The following CFAP69 variants were observed in gnomAD, a reference collection of about 807,000 sequenced individuals.
CFAP69 encodes the protein cilia- and flagella-associated protein 69.
Under a neutral mutation model 123.0 loss-of-function variants are expected in CFAP69, and 92 were observed. The ratio of observed to expected loss-of-function variants is 0.75; its 90% CI spans 0.63 to 0.89. The LOEUF (loss-of-function observed/expected upper bound fraction) is 0.89, where lower values mean the gene tolerates loss of function less well. Among genes scored for constraint, CFAP69 ranks in the 40% least tolerant of loss-of-function variants. The probability of loss-of-function intolerance (pLI) is 0.00; values close to 1 mark genes in which losing one functional copy is unlikely to be tolerated. For missense variants in CFAP69, 1,067 were observed against 1,096.9 expected, an observed-to-expected ratio of 0.97 and a Z score of 0.39; for synonymous variants, 380 against 364.3, an observed-to-expected ratio of 1.04 and a Z score of -0.49.
At chr7:90,249,209 G>A (rs529324753) in intron 1 of CFAP69, among the ~76,000 whole-genome samples, 33 of 152,218 alleles carry the variant, frequency 2.2e-4, no homozygotes, top group South Asian at 1.0e-3. Flanking sequence ...GAGTTCTCAC[G>A]AGATCTGATG....
At chr7:90,287,418 T>G (rs1352698011) in intron 14 of CFAP69, 1 of 846,668 alleles carries the variant, frequency 1.2e-6, no homozygotes, top group Non-Finnish European at 1.4e-6. Flanking sequence ...TGTACCATTT[T>G]AAATGTTGTT....
At chr7:90,320,234 A>G in the CFAP69 span, 1 of 152,376 alleles carries the variant, frequency 6.6e-6, no homozygotes, top group African/African-American at 2.4e-5. Flanking sequence ...TTATTAACCC[A>G]AATGGTACTA....
At position 90,310,187 on chromosome 7, in the gene CFAP69, G is replaced by T; in HGVS notation, c.2775G>T (p.Arg925Ser). Residue 925 changes from arginine (R) to serine (S), a missense_variant, in exon 23 of 23, where the codon AGG becomes AGT. Transcript: ENST00000389297. The stretch of plus-strand genomic sequence containing the variant: ...CCATTCGAGGAGGAGCCTTGCAGAG[G>T]GTGAAAGCAGTTAAAATTGTGGATG... ...KLPIRGGALQ[R>S]VKAVKIVDAP... 1 of 1,613,716 alleles carries T rather than the reference G, an allele frequency of 6.2e-7. No individual in the cohort carries two copies. Among genetic ancestry groups the T allele is most frequent in the Non-Finnish European group, 8.5e-7 (1 of 1,179,818 alleles).
rs1412439909 is a variant in CFAP69, at chr7:90,271,669, A to G, written c.676A>G (p.Thr226Ala). 1.2e-6 allele frequency: 2 copies of G among 1,612,872 alleles called. No homozygotes were observed. The highest frequency in any genetic ancestry group is 1.7e-6 in the Non-Finnish European group (2 of 1,179,428). The change falls in exon 7 of 23, where the codon ACT (threonine) becomes GCT (alanine). Residue 226 changes from threonine to alanine, a missense_variant. Thr to Ala is a moderately conservative substitution (Grantham distance 58, BLOSUM62 0). Transcript: ENST00000389297. ...WVLKVLQHLS[T>A]SEVNCTIMMK... ...ACTTAAAGTTCTGCAGCATCTCTCAACTTCTGGTTTGTATATTATTAAGTT... is the reference window on the plus strand; with the variant it reads ...ACTTAAAGTTCTGCAGCATCTCTCAGCTTCTGGTTTGTATATTATTAAGTT...
At chr7:90,267,708 T>C (rs1799347329) in intron 5 of CFAP69, among the ~76,000 whole-genome samples, 1 of 152,170 alleles carries the variant, frequency 6.6e-6, no homozygotes, top group Non-Finnish European at 1.5e-5. Context: ...AAAGTTCACC[T>C]GGAACTTCTC....
chr7:90,254,540 G>A (rs933499287), intron 1 of CFAP69, among the ~76,000 whole-genome samples: 6 of 152,100 alleles, frequency 3.9e-5, no homozygotes, highest in East Asian at 1.9e-4. Flanking sequence ...GGTGGGGAAC[G>A]AACATGTAGA....
At chr7:90,318,233 T>G in the CFAP69 span, 36 of 152,206 alleles carry the variant, frequency 2.4e-4, no homozygotes, top group Non-Finnish European at 4.7e-4. Context: ...TATATTTCTT[T>G]AAAGCTTCAC....
intron 15 of CFAP69, among the ~76,000 whole-genome samples, chr7:90,295,187 C>T (rs958226545): frequency 1.3e-5 from 2 of 152,276 alleles, no homozygotes; most frequent in South Asian, 2.1e-4. Context: ...CAATTAACAT[C>T]CCATAGTGCC....
At chr7:90,317,137 G>C in the CFAP69 span, 3 of 151,492 alleles carry the variant, frequency 2.0e-5, no homozygotes, top group African/African-American at 7.3e-5. Context: ...AAAGAACACA[G>C]ATGTTCAATA....
intron 15 of CFAP69, among the ~76,000 whole-genome samples, chr7:90,294,640 T>G (rs1417795889): frequency 6.6e-6 from 1 of 151,058 alleles, no homozygotes; most frequent in African/African-American, 2.4e-5. Context: ...TTTAGTTTTT[T>G]GGGGGACTTG....
Position 90,255,446 on chromosome 7 carries a change from T to C in CFAP69, c.144T>C (p.Leu48=). 6.2e-7 allele frequency: 1 copy of C among 1,612,902 alleles called. No individual in the cohort carries two copies. The highest frequency in any genetic ancestry group is 8.5e-7 in the Non-Finnish European group (1 of 1,179,368). Residue 48 remains leucine, a synonymous_variant, in exon 2 of 23, where the codon CTT becomes CTC. Transcript: ENST00000389297. ...AGGATGTTTTCAAGCCTATGGACCT[T>C]AATCGTGTCATCAAACTCCTCGAAG... ...EAQDVFKPMD[L]NRVIKLLEET...
At chr7:90,254,222 C>T (rs1477873986) in intron 1 of CFAP69, among the ~76,000 whole-genome samples, 3 of 152,134 alleles carry the variant, frequency 2.0e-5, no homozygotes, top group Non-Finnish European at 4.4e-5. Context: ...CAGTACCATG[C>T]TGTGTTGGTT....
At chr7:90,271,156 T>C (rs980063144) in intron 6 of CFAP69, among the ~76,000 whole-genome samples, 1 of 152,144 alleles carries the variant, frequency 6.6e-6, no homozygotes, top group African/African-American at 2.4e-5. Flanking sequence ...AAATTCATCG[T>C]CCTATTTTAA....
rs201599221 is a variant in CFAP69 at position 90,279,865 on chromosome 7, T to C, written c.1344T>C (p.Leu448=). ...CATGCCAGGGAAATGCTCGAGTCCT[T>C]GCATTTCTAGAATGGTGTGAGAGTG... ...YMSCQGNARV[L]AFLEWCESED... is the part of the protein sequence containing the mutation. Residue 448 remains leucine (L), a synonymous_variant, in exon 12 of 23, where the codon CTT becomes CTC. Coordinates refer to ENST00000389297, the MANE Select transcript of CFAP69 (RefSeq NM_001039706.3). The C allele has an allele frequency of 2.1e-4, 331 of 1,607,140 alleles. No individual in the cohort carries two copies. Among genetic ancestry groups the C allele is most frequent in the Middle Eastern group, 5.0e-4 (3 of 6,046 alleles).
chr7:90,257,708 C>G (rs1281628084), intron 2 of CFAP69, among the ~76,000 whole-genome samples: 3 of 152,054 alleles, frequency 2.0e-5, no homozygotes, highest in Non-Finnish European at 4.4e-5. Flanking sequence ...GAATTTCATT[C>G]TTTTTTATGG....
rs113972709 is a variant in CFAP69 at position 90,273,768 on chromosome 7, A to G, written c.861-219A>G. Among the ~76,000 whole-genome samples, 1,320 of 152,044 alleles carry G rather than the reference A, an allele frequency of 8.7e-3. 21 individuals are homozygous for G. The highest frequency in any genetic ancestry group is 0.028 in the African/African-American group (1,179 of 41,466). On this transcript the variant is annotated intron_variant, in intron 8 of 22. Transcript: ENST00000389297. The stretch of plus-strand genomic sequence containing the variant: ...TGCTCTTCTGGGTTGCATACTGCTG[A>G]TCTCTTGTATTCTTACATGGAGGAA...
At chr7:90,263,126 A>G (rs1209305573) in intron 4 of CFAP69, among the ~76,000 whole-genome samples, 1 of 152,198 alleles carries the variant, frequency 6.6e-6, no homozygotes, top group East Asian at 1.9e-4. Flanking sequence ...TTCAACATCT[A>G]TGCTCCTACA....
chr7:90,271,809 A>T lies in CFAP69; in HGVS notation c.711A>T (p.Ala237=). 1 of 1,582,828 alleles carries T rather than the reference A, an allele frequency of 6.3e-7. No homozygotes were observed. Among genetic ancestry groups the T allele is most frequent in the Non-Finnish European group, 8.6e-7 (1 of 1,164,116 alleles). ...SEVNCTIMMK[A]QAASGICTHL... is the part of the protein sequence containing the mutation. Reference sequence around the variant, plus strand: ...TTAATTGTACTATAATGATGAAAGCACAAGCAGCCAGTGGAATCTGTACTC... The same window carrying T: ...TTAATTGTACTATAATGATGAAAGCTCAAGCAGCCAGTGGAATCTGTACTC... The change falls in exon 8 of 23, where the codon GCA becomes GCT. Residue 237 remains alanine (A), a synonymous_variant. Coordinates refer to ENST00000389297, the MANE Select transcript of CFAP69 (RefSeq NM_001039706.3).
chr7:90,300,244 G>T, intron 17 of CFAP69, 185 bp downstream of exon 17: 2 of 1,073,744 alleles, frequency 1.9e-6, no homozygotes, highest in South Asian at 9.4e-5. Flanking sequence ...TTAGTAGTAG[G>T]TTCATATTTT....
Sources: gnomAD v4.1 joint callset for allele counts (sites outside exome capture counted in the v4.1 genomes callset) on GRCh38, gnomAD v4.1.1 for gene constraint, MANE v1.5 for transcripts, NCBI Gene and HGNC (gene_info 2026-07-23, HGNC 2026-07-21) for gene names.